OGDH: variants seen among roughly 807,000 people sequenced by gnomAD.
OGDH encodes 2-oxoglutarate dehydrogenase complex component E1.
OGDH carries 38 observed loss-of-function variants against 116.6 expected under a neutral mutation model. The observed-to-expected ratio is 0.33, with a 90% CI of 0.25 to 0.43. The LOEUF is 0.43. Among genes scored for constraint, OGDH ranks in the 20% least tolerant of loss-of-function variants. The pLI, the probability that OGDH is intolerant of heterozygous loss-of-function variation, is 1.00. For missense variants in OGDH, 825 were observed against 1,357.2 expected (o/e 0.61, Z 6.16); for synonymous variants, 488 against 533.3 (o/e 0.92, Z 1.17).
chr7:44,655,931 A>G (rs1786671309), intron 4 of OGDH, among the ~76,000 whole-genome samples: 1 of 151,992 alleles, frequency 6.6e-6, no homozygotes, highest in African/African-American at 2.4e-5. Context: ...AGGCTTTTTC[A>G]TTTTCTTTTC....
chr7:44,628,476 G>T (rs915383716), intron 2 of OGDH, among the ~76,000 whole-genome samples: 8 of 147,832 alleles, frequency 5.4e-5, no homozygotes, highest in Non-Finnish European at 1.5e-5. Flanking sequence ...TTTTTTTAAT[G>T]TAAGTAGGAG....
chr7:44,627,728 A>G (rs1327168981), intron 2 of OGDH, among the ~76,000 whole-genome samples: 2 of 152,120 alleles, frequency 1.3e-5, no homozygotes, highest in African/African-American at 4.8e-5. Flanking sequence ...CCCAGGCTGC[A>G]GTGCAGTGAG....
chr7:44,634,982 T>C (rs1196848025), intron 2 of OGDH, among the ~76,000 whole-genome samples: 1 of 152,204 alleles, frequency 6.6e-6, no homozygotes, highest in African/African-American at 2.4e-5. Context: ...TTTTAAATCT[T>C]GTTCTTAGGA....
At chr7:44,627,979 A>C (rs946928447) in intron 2 of OGDH, among the ~76,000 whole-genome samples, 1 of 152,088 alleles carries the variant, frequency 6.6e-6, no homozygotes, top group Non-Finnish European at 1.5e-5. Context: ...ACCCAGCCCC[A>C]TTGTTATTTT....
chr7:44,614,768 G>C (rs546226775), intron 1 of OGDH, among the ~76,000 whole-genome samples: 10 of 151,230 alleles, frequency 6.6e-5, no homozygotes, highest in Non-Finnish European at 1.3e-4. Flanking sequence ...GTAAGTCTAC[G>C]TCATCTTGGT....
chr7:44,681,982 C>A, intron 10 of OGDH, 134 bp downstream of exon 10: 1 of 1,195,190 alleles, frequency 8.4e-7, no homozygotes, highest in South Asian at 1.5e-5. Context: ...TGCAGTGGCT[C>A]ACGCCTGTAA....
rs553988806 is a variant in OGDH at position 44,674,686 on chromosome 7, G to A, written c.935+129G>A. 5.8e-4 allele frequency: 553 copies of A among 956,026 alleles called. 9 individuals are homozygous for A. In the South Asian group the frequency reaches 6.9e-3, roughly 12 times the overall value. The allele number at this position is 956,026 out of a possible 1,614,324, so 59.2% of individuals were successfully genotyped here. ...GCCAGTTGTGAGTCTGGGCTCATCT[G>A]GTACCTGAGGGTGTATTGCTTTGCA... On this transcript the variant is annotated intron_variant, in intron 7 of 22. Transcript: ENST00000222673.
chr7:44,677,692 A>G (rs964014020), intron 9 of OGDH, among the ~76,000 whole-genome samples: 1 of 152,004 alleles, frequency 6.6e-6, no homozygotes, highest in Admixed American at 6.6e-5. Flanking sequence ...AACACAGTGA[A>G]ACCCCATCTC....
chr7:44,679,383 G>C (rs78833140), intron 9 of OGDH, among the ~76,000 whole-genome samples: 2 of 152,152 alleles, frequency 1.3e-5, no homozygotes, highest in South Asian at 2.1e-4. Context: ...AGATCCTTAC[G>C]TCCACATGCT....
intron 10 of OGDH, among the ~76,000 whole-genome samples, chr7:44,692,004 A>T (rs1192931161): frequency 1.5e-5 from 2 of 131,796 alleles, no homozygotes; most frequent in East Asian, 2.3e-4. Context: ...AAAAAAAAAA[A>T]AGTTTGATAT....
intron 4 of OGDH, among the ~76,000 whole-genome samples, chr7:44,663,831 T>A (rs554016356): frequency 6.6e-6 from 1 of 151,926 alleles, no homozygotes; most frequent in East Asian, 1.9e-4. Flanking sequence ...TCCCAGCTAC[T>A]CAAGAGGCTG....
chr7:44,690,359 T>C (rs1038294374), intron 10 of OGDH, among the ~76,000 whole-genome samples: 12 of 152,182 alleles, frequency 7.9e-5, no homozygotes, highest in Non-Finnish European at 1.3e-4. Context: ...CATTTGGCCC[T>C]AAAGGTTCCT....
chr7:44,704,314 C>T (rs1788969592), intron 20 of OGDH, among the ~76,000 whole-genome samples: 1 of 152,070 alleles, frequency 6.6e-6, no homozygotes, highest in African/African-American at 2.4e-5. Context: ...TGATGTTGAG[C>T]ATCTTTTCAT....
At chr7:44,631,846 C>G (rs977109864) in intron 2 of OGDH, among the ~76,000 whole-genome samples, 1 of 151,100 alleles carries the variant, frequency 6.6e-6, no homozygotes, top group African/African-American at 2.4e-5. Context: ...TCCCTCTTTC[C>G]TTTCTCTCTC....
chr7:44,650,360 A>G (rs1252500148), intron 4 of OGDH, among the ~76,000 whole-genome samples: 1 of 152,128 alleles, frequency 6.6e-6, no homozygotes. Context: ...CACTCCCTGC[A>G]TTGGAATCCC....
At chr7:44,688,461 C>T (rs1157415558) in intron 10 of OGDH, among the ~76,000 whole-genome samples, 1 of 130,242 alleles carries the variant, frequency 7.7e-6, no homozygotes. Context: ...GACGGAGTCT[C>T]GCTCTGTCGC....
intron 6 of OGDH, 116 bp downstream of exon 6, chr7:44,674,057 G>A (rs931686224): frequency 8.0e-6 from 10 of 1,244,958 alleles, no homozygotes; most frequent in Non-Finnish European, 1.1e-5. Context: ...GTTTGGGGTG[G>A]TACAGGCAAA....
At chr7:44,678,376 A>C (rs1787790330) in intron 9 of OGDH, among the ~76,000 whole-genome samples, 1 of 152,164 alleles carries the variant, frequency 6.6e-6, no homozygotes, top group South Asian at 2.1e-4. Context: ...TAGATTGTGG[A>C]CAGAAATCCA....
chr7:44,607,410 C>T (rs1203387686), intron 1 of OGDH, among the ~76,000 whole-genome samples: 5 of 152,208 alleles, frequency 3.3e-5, no homozygotes, highest in Non-Finnish European at 2.9e-5. Flanking sequence ...TGCGTCCCAC[C>T]TGCCATCCCC....
Sources: allele counts gnomAD v4.1 joint callset (sites outside exome capture counted in the v4.1 genomes callset), GRCh38; gene constraint gnomAD v4.1.1; transcripts MANE v1.5; gene names NCBI Gene and HGNC (gene_info 2026-07-23, HGNC 2026-07-21).